Variants in DGKB observed in about 807,000 individuals in gnomAD.
DGKB encodes the protein 90 kDa diacylglycerol kinase.
A neutral mutation model predicts 114.3 loss-of-function variants in DGKB; 67 were observed. That is an observed-to-expected ratio of 0.59 (90% CI 0.48 to 0.72). The LOEUF is 0.72. DGKB is among the 30% of genes least tolerant of loss of function. The pLI, the probability that DGKB is intolerant of heterozygous loss-of-function variation, is 0.00. For synonymous variants in DGKB, 398 were observed against 323.1 expected (o/e 1.23, Z -2.49); for missense variants, 907 against 975.2 (o/e 0.93, Z 0.93).
chr7:14,230,627 G>A (rs1214105857), intron 23 of DGKB, among the ~76,000 whole-genome samples: 6 of 151,960 alleles, frequency 3.9e-5, no homozygotes, highest in Non-Finnish European at 7.4e-5. Flanking sequence ...ATTTTATTAT[G>A]ACTCTATAGA....
At chr7:14,943,946 AC>A (rs1471231352) in intron 1 of DGKB, among the ~76,000 whole-genome samples, 1 of 151,630 alleles carries the variant, frequency 6.6e-6, no homozygotes, top group Non-Finnish European at 1.5e-5. Context: ...TTAACTCACT[AC>A]CCTACGAGGC....
chr7:14,576,289 A>G (rs555513914), intron 19 of DGKB, among the ~76,000 whole-genome samples: 103 of 152,128 alleles, frequency 6.8e-4, no homozygotes, highest in African/African-American at 2.4e-3. Context: ...CAATAATTAT[A>G]TTTACTAACA....
intron 20 of DGKB, among the ~76,000 whole-genome samples, chr7:14,563,057 T>C (rs1275682752): frequency 1.3e-5 from 2 of 152,132 alleles, no homozygotes; most frequent in African/African-American, 2.4e-5. Flanking sequence ...GTTCTTGTGA[T>C]AGTGAATAAG....
chr7:14,888,223 T>C (rs913826628), intron 1 of DGKB, among the ~76,000 whole-genome samples: 1 of 151,672 alleles, frequency 6.6e-6, no homozygotes, highest in African/African-American at 2.4e-5. Flanking sequence ...TAGCAGATGG[T>C]AATGGCTAAG....
intron 23 of DGKB, among the ~76,000 whole-genome samples, chr7:14,198,182 A>G (rs1344183200): frequency 6.6e-6 from 1 of 152,144 alleles, no homozygotes; most frequent in African/African-American, 2.4e-5. Context: ...AATCATCAAT[A>G]AAAAGGAATT....
chr7:14,891,419 T>C (rs1350684726), intron 1 of DGKB, among the ~76,000 whole-genome samples: 2 of 151,092 alleles, frequency 1.3e-5, no homozygotes, highest in Non-Finnish European at 3.0e-5. Context: ...TTCAAACCAC[T>C]GGAAAAAAAC....
intron 1 of DGKB, among the ~76,000 whole-genome samples, chr7:14,866,116 G>A (rs1031755844): frequency 6.6e-6 from 1 of 152,108 alleles, no homozygotes; most frequent in Admixed American, 6.6e-5. Flanking sequence ...TTCTTAAAGA[G>A]CAATTTTAGA....
At chr7:14,341,601 G>A (rs186391282) in intron 22 of DGKB, among the ~76,000 whole-genome samples, 1 of 151,988 alleles carries the variant, frequency 6.6e-6, no homozygotes, top group African/African-American at 2.4e-5. Flanking sequence ...TTTATAGAGT[G>A]CAAGGCTGTG....
At chr7:14,904,029 C>A (rs1432081324), upstream of DGKB, among the ~76,000 whole-genome samples, 1 of 152,174 alleles carries the variant, frequency 6.6e-6, no homozygotes. Flanking sequence ...TCCTTATTGG[C>A]TGCTCTCATT....
chr7:14,712,544 G>A (rs952536192), intron 6 of DGKB, among the ~76,000 whole-genome samples: 11 of 152,014 alleles, frequency 7.2e-5, no homozygotes, highest in Non-Finnish European at 1.6e-4. Context: ...AGTGACACAT[G>A]CCTGTAATCC....
At chr7:14,962,121 A>G (rs777055947) in intron 1 of DGKB, among the ~76,000 whole-genome samples, 2 of 152,188 alleles carry the variant, frequency 1.3e-5, no homozygotes, top group Non-Finnish European at 2.9e-5. Context: ...ACACAAGTGT[A>G]TAATTCTCAA....
intron 2 of DGKB, among the ~76,000 whole-genome samples, chr7:14,822,996 A>C (rs1459347129): frequency 6.6e-6 from 1 of 152,016 alleles, no homozygotes; most frequent in Non-Finnish European, 1.5e-5. Context: ...CCAAGCATTT[A>C]ACCCAATTTA....
chr7:14,518,226 A>G (rs1789165473), intron 20 of DGKB, among the ~76,000 whole-genome samples: 1 of 152,072 alleles, frequency 6.6e-6, no homozygotes, highest in Admixed American at 6.6e-5. Flanking sequence ...AAACAAAATA[A>G]TGCTTGTTTT....
chr7:14,693,347 CTG>C (rs1256603883), intron 9 of DGKB, among the ~76,000 whole-genome samples: 2 of 151,864 alleles, frequency 1.3e-5, no homozygotes, highest in Non-Finnish European at 2.9e-5. Flanking sequence ...ATAAAAATAA[CTG>C]AAATCTGCTT....
At chr7:14,893,536 C>T (rs190452356) in intron 1 of DGKB, among the ~76,000 whole-genome samples, 1 of 151,288 alleles carries the variant, frequency 6.6e-6, no homozygotes, top group African/African-American at 2.4e-5. Context: ...GGATTTGTAG[C>T]GATGCCAAGA....
intron 19 of DGKB, among the ~76,000 whole-genome samples, chr7:14,577,577 A>G (rs1332300493): frequency 6.6e-6 from 1 of 152,136 alleles, no homozygotes; most frequent in African/African-American, 2.4e-5. Context: ...AGATTGCGCC[A>G]CTGCACTCCA....
chr7:14,566,746 A>G (rs1348852581), intron 20 of DGKB, among the ~76,000 whole-genome samples: 1 of 152,078 alleles, frequency 6.6e-6, no homozygotes, highest in Non-Finnish European at 1.5e-5. Flanking sequence ...ACATTGACCT[A>G]GCAGAGCTTT....
At chr7:14,724,135 A>T (rs1829673082) in intron 5 of DGKB, among the ~76,000 whole-genome samples, 1 of 152,222 alleles carries the variant, frequency 6.6e-6, no homozygotes, top group South Asian at 2.1e-4. Context: ...AACACTGGCA[A>T]TTTAGCTTTT....
At chr7:14,939,621 C>CTTT (rs60427374) in intron 1 of DGKB, among the ~76,000 whole-genome samples, 923 of 84,148 alleles carry the variant, frequency 0.011, 201 homozygotes, top group African/African-American at 0.04. Flanking sequence ...AAATATAATA[C>CTTT]TTTTTTTTTT....
Sources: gnomAD v4.1 joint callset for allele counts (sites outside exome capture counted in the v4.1 genomes callset) on GRCh38, gnomAD v4.1.1 for gene constraint, MANE v1.5 for transcripts, NCBI Gene and HGNC (gene_info 2026-07-23, HGNC 2026-07-21) for gene names.